Variants in MAPK6 observed in about 807,000 individuals in gnomAD.
MAPK6 encodes mitogen-activated protein kinase 6.
MAPK6 carries 19 observed loss-of-function variants against 59.3 expected under a neutral mutation model. That is an observed-to-expected ratio of 0.32 (90% CI 0.22 to 0.47). The LOEUF (loss-of-function observed/expected upper bound fraction) is 0.47. Ranked by LOEUF, MAPK6 falls within the 20% of genes least tolerant of loss-of-function variation. MAPK6 has a pLI of 1.00. For synonymous variants in MAPK6, 316 were observed against 290.3 expected, an observed-to-expected ratio of 1.09 and a Z score of -0.90; for missense variants, 724 against 847.9, an observed-to-expected ratio of 0.85 and a Z score of 1.81.
chr15:51,972,375 G>A (rs2057134723), intron 1 of MAPK6, among the ~76,000 whole-genome samples: 1 of 151,880 alleles, frequency 6.6e-6, no homozygotes, highest in African/African-American at 2.4e-5. Flanking sequence ...AGGAGCTCAG[G>A]CAATCCGCCC....
chr15:52,051,335 G>A (rs2031771746), intron 3 of MAPK6, among the ~76,000 whole-genome samples: 1 of 151,978 alleles, frequency 6.6e-6, no homozygotes, highest in East Asian at 1.9e-4. Flanking sequence ...GGGATTACAG[G>A]CGTGAGCCAC....
intron 1 of MAPK6, among the ~76,000 whole-genome samples, chr15:51,972,251 T>A (rs901904369): frequency 3.9e-4 from 60 of 152,078 alleles, no homozygotes; most frequent in African/African-American, 1.3e-3. Flanking sequence ...CAATTCTAAT[T>A]CCTCAGCCTC....
chr15:51,991,078 G>A (rs571157340), intron 2 of MAPK6, among the ~76,000 whole-genome samples: 1 of 151,364 alleles, frequency 6.6e-6, no homozygotes, highest in South Asian at 2.1e-4. Flanking sequence ...CTGTGACCCG[G>A]CATTGCACCA....
At chr15:51,980,006 G>A (rs557089682) in intron 1 of MAPK6, among the ~76,000 whole-genome samples, 2 of 151,466 alleles carry the variant, frequency 1.3e-5, no homozygotes, top group Non-Finnish European at 2.9e-5. Flanking sequence ...AAAATTAGAA[G>A]TAGAAGGGCC....
intron 2 of MAPK6, among the ~76,000 whole-genome samples, chr15:51,990,846 C>A (rs1203423813): frequency 1.3e-5 from 2 of 152,078 alleles, no homozygotes. Flanking sequence ...CCCGGCTACT[C>A]GGGAGGCTGA....
intron 3 of MAPK6, among the ~76,000 whole-genome samples, chr15:52,050,944 T>G (rs1596001381): frequency 6.6e-6 from 1 of 152,238 alleles, no homozygotes. Context: ...CAGAGGACTT[T>G]CCATATGGAA....
At chr15:52,025,718 A>G (rs2030744896) in intron 1 of MAPK6, among the ~76,000 whole-genome samples, 1 of 151,898 alleles carries the variant, frequency 6.6e-6, no homozygotes, top group African/African-American at 2.4e-5. Context: ...AATGGCATGA[A>G]CCCAGGAGGC....
At chr15:52,043,741 G>GATTTTT (rs2031504139) in intron 1 of MAPK6, among the ~76,000 whole-genome samples, 1 of 55,622 alleles carries the variant, frequency 1.8e-5, no homozygotes, top group Non-Finnish European at 4.0e-5. Context: ...TAAGTTGTTT[G>GATTTTT]ATTTTTTTTT....
chr15:52,010,770 T>C (rs937323900), intron 3 of MAPK6, among the ~76,000 whole-genome samples: 6 of 151,986 alleles, frequency 3.9e-5, no homozygotes, highest in African/African-American at 1.5e-4. Flanking sequence ...CCACTCACCT[T>C]GGCCTCCCAA....
upstream of MAPK6, among the ~76,000 whole-genome samples, chr15:52,016,070 G>GCGCGCACGCACACA: frequency 1.8e-5 from 1 of 55,444 alleles, no homozygotes; most frequent in South Asian, 1.1e-3. Context: ...GCGCGCGCGC[G>GCGCGCACGCACACA]CACACACACA....
chr15:51,999,468 A>T (rs2057236016), intron 2 of MAPK6, among the ~76,000 whole-genome samples: 1 of 152,190 alleles, frequency 6.6e-6, no homozygotes, highest in East Asian at 1.9e-4. Flanking sequence ...CCTATTGTAA[A>T]AATGAGTTAT....
chr15:52,023,055 C>T (rs955934918), intron 1 of MAPK6, among the ~76,000 whole-genome samples: 27 of 122,250 alleles, frequency 2.2e-4, no homozygotes, highest in Non-Finnish European at 3.2e-4. Context: ...TGCAGTGAGC[C>T]GAGATTGTGC....
intron 1 of MAPK6, among the ~76,000 whole-genome samples, chr15:51,976,416 C>T (rs182494351): frequency 2.6e-5 from 4 of 151,424 alleles, no homozygotes; most frequent in Admixed American, 1.3e-4. Context: ...CCAGAGGGAA[C>T]GCAGTTATTG....
At chr15:52,021,662 G>T (rs1226115290) in intron 1 of MAPK6, 1 of 152,078 alleles carries the variant, frequency 6.6e-6, no homozygotes, top group Non-Finnish European at 1.5e-5. Context: ...TGTTTATAAA[G>T]GACAGATAGT....
At chr15:52,043,818 G>T (rs2031512422) in intron 1 of MAPK6, among the ~76,000 whole-genome samples, 1 of 127,012 alleles carries the variant, frequency 7.9e-6, no homozygotes, top group Non-Finnish European at 1.6e-5. Flanking sequence ...GAGTGCAATG[G>T]CAGGATCTCG....
At chr15:52,057,791 AC>A (rs995492259) in intron 3 of MAPK6, among the ~76,000 whole-genome samples, 3 of 151,894 alleles carry the variant, frequency 2.0e-5, no homozygotes, top group Non-Finnish European at 2.9e-5. Flanking sequence ...AGTATTAACA[AC>A]CCTATTCTTC....
upstream of MAPK6, among the ~76,000 whole-genome samples, chr15:52,016,068 G>GCACACACACACACA (rs1183676940): frequency 5.6e-5 from 2 of 35,610 alleles, no homozygotes; most frequent in Non-Finnish European, 1.3e-4. Flanking sequence ...GCGCGCGCGC[G>GCACACACACACACA]CGCACACACA....
chr15:52,059,716 C>G (rs16964720), intron 4 of MAPK6, among the ~76,000 whole-genome samples: 13,550 of 152,226 alleles, frequency 0.089, 1,470 homozygotes, highest in African/African-American at 0.25. Flanking sequence ...TATTTGGCCA[C>G]TGACTGGGGT....
intron 1 of MAPK6, among the ~76,000 whole-genome samples, chr15:51,983,049 C>G (rs1442626125): frequency 6.6e-6 from 1 of 152,146 alleles, no homozygotes; most frequent in African/African-American, 2.4e-5. Context: ...TTATCTGCTA[C>G]TTAACACAAA....
Sources: gnomAD v4.1 joint callset for allele counts (sites outside exome capture counted in the v4.1 genomes callset) on GRCh38, gnomAD v4.1.1 for gene constraint, MANE v1.5 for transcripts, NCBI Gene and HGNC (gene_info 2026-07-23, HGNC 2026-07-21) for gene names.